The following SETD1B variants were observed in gnomAD, a reference collection of about 807,000 sequenced individuals.
SETD1B encodes the protein SET domain containing 1B, histone lysine methyltransferase.
Under a neutral mutation model 148.0 loss-of-function variants are expected in SETD1B, and 7 were observed. The ratio of observed to expected loss-of-function variants is 0.05; its 90% confidence interval spans 0.03 to 0.09. The LOEUF (loss-of-function observed/expected upper bound fraction) is 0.09, where lower values mean the gene tolerates loss of function less well. Ranked by LOEUF, SETD1B falls within the 10% of genes least tolerant of loss-of-function variation. The probability of loss-of-function intolerance (pLI) is 1.00; values close to 1 mark genes in which losing one functional copy is unlikely to be tolerated. For synonymous variants in SETD1B, 1,361 were observed against 1,186.5 expected, an observed-to-expected ratio of 1.15 and a Z score of -3.02; for missense variants, 2,155 against 2,729.9, an observed-to-expected ratio of 0.79 and a Z score of 4.69.
upstream of SETD1B, chr12:121,802,700 G>A (rs1875448731): frequency 1.3e-5 from 2 of 152,108 alleles, no homozygotes; most frequent in Non-Finnish European, 2.9e-5. Context: ...AGTTATACAA[G>A]ACAAAGATGG....
the SETD1B span, chr12:121,793,811 T>C: frequency 3.3e-5 from 17 of 522,832 alleles, no homozygotes; most frequent in Non-Finnish European, 4.5e-5. Context: ...CAGCCCTGGG[T>C]GTGGGTATTC....
chr12:121,810,787 C>T lies in SETD1B; in HGVS notation c.1842C>T (p.Ala614=). Residue 614 remains alanine (A), a synonymous_variant, in exon 6 of 17, where the codon GCC becomes GCT. Transcript: ENST00000604567. The surrounding 1 kb of genome is among the most constrained non-coding windows in gnomAD (Gnocchi z 7.6). ...AGLLSQTAEV[A]LDLVGDRTPT... ...TTCTGAGCCAGACAGCTGAGGTGGCCTTGGACCTGGTTGGAGACAGAACCC... is the reference window on the plus strand; with the variant it reads ...TTCTGAGCCAGACAGCTGAGGTGGCTTTGGACCTGGTTGGAGACAGAACCC... 6.5e-7 allele frequency: 1 copy of T among 1,538,998 alleles called. No homozygotes were observed. The highest frequency in any genetic ancestry group is 1.2e-5 in the South Asian group (1 of 83,240).
chr12:121,793,170 T>A, the SETD1B span: 4 of 1,550,480 alleles, frequency 2.6e-6, no homozygotes, highest in Non-Finnish European at 3.5e-6. Flanking sequence ...TCGTAGAGGT[T>A]CAGGGTCACC....
chr12:121,809,248 A>G (rs1025137001), intron 5 of SETD1B, among the ~76,000 whole-genome samples: 4 of 152,192 alleles, frequency 2.6e-5, no homozygotes, highest in Non-Finnish European at 5.9e-5. Context: ...CTCGTGCACA[A>G]GATTGTAGTT....
At position 121,805,725 on chromosome 12, in the gene SETD1B, C is replaced by T; in HGVS notation, c.274-110C>T. The T allele has an allele frequency of 1.3e-5, 14 of 1,046,608 alleles. No individual in the cohort carries two copies. Among genetic ancestry groups the T allele is most frequent in the South Asian group, 4.0e-5 (2 of 50,274 alleles). 64.8% of individuals were successfully genotyped at this position (1,046,608 alleles called of 1,614,324 possible). ...TTTTTTAATTTTTAGTTTTTTTACC[C>T]TTTATTGTTTTCAACGGGTGGGCGA... On this transcript the variant is annotated intron_variant, in intron 3 of 16. Transcript: ENST00000604567. The surrounding 1 kb of genome is among the most constrained non-coding windows in gnomAD (Gnocchi z 4.2).
In SETD1B at chr12:121,817,017, C is replaced by T. The variant is rs1592982800; in HGVS notation, c.2716-16C>T. 6.7e-7 allele frequency: 1 copy of T among 1,493,954 alleles called. No homozygotes were observed. 92.5% of individuals were successfully genotyped at this position (1,493,954 alleles called of 1,614,324 possible). ...GTGCCAGAAGCGGTGACGGTCCCCT[C>T]CTGTCTCCACCCCAGGCCTCGCTGA... On this transcript the variant is annotated splice_polypyrimidine_tract_variant and intron_variant, in intron 7 of 16. Coordinates refer to ENST00000604567, the MANE Select transcript of SETD1B (RefSeq NM_001353345.2). The surrounding 1 kb of genome is among the most constrained non-coding windows in gnomAD (Gnocchi z 8.1).
At chr12:121,826,423 A>G (rs1310182865) in intron 13 of SETD1B, among the ~76,000 whole-genome samples, 1 of 152,190 alleles carries the variant, frequency 6.6e-6, no homozygotes, top group Non-Finnish European at 1.5e-5. Flanking sequence ...AGCGACTTCC[A>G]TAAAAAGTTA....
rs1172961989 is a variant in SETD1B at position 121,817,721 on chromosome 12, G to A, written c.3312+17G>A. 2 of 1,539,954 alleles carry A rather than the reference G, an allele frequency of 1.3e-6. No individual in the cohort carries two copies. The highest frequency in any genetic ancestry group is 2.5e-5 in the East Asian group (1 of 40,582). ...TCAGATAAGGTGCCTAGCAGGCCAG[G>A]AAGCCTCAGGGGGCCGGGCCAGGCG... On this transcript the variant is annotated intron_variant, in intron 9 of 16. Coordinates refer to ENST00000604567, the MANE Select transcript of SETD1B (RefSeq NM_001353345.2). This position sits in a 1 kb window ranked among gnomAD's most constrained non-coding sequence, Gnocchi z 8.1.
At chr12:121,821,392 G>A (rs924467018) in intron 11 of SETD1B, among the ~76,000 whole-genome samples, 4 of 151,270 alleles carry the variant, frequency 2.6e-5, no homozygotes, top group African/African-American at 7.3e-5. Context: ...AGCCGAGATC[G>A]TGCCACACTG....
At chr12:121,794,763 G>GAC in the SETD1B span, among the ~76,000 whole-genome samples, 1 of 121,732 alleles carries the variant, frequency 8.2e-6, no homozygotes, top group Non-Finnish European at 1.8e-5. Flanking sequence ...CAGATGAGTC[G>GAC]ACAGGGTGGC....
chr12:121,799,723 G>A (rs1322166110), upstream of SETD1B: 1 of 128,826 alleles, frequency 7.8e-6, no homozygotes, highest in African/African-American at 2.8e-5. Context: ...CAGCTGGGGG[G>A]GGGGGGGTGG....
Position 121,823,075 on chromosome 12 carries a change from C to T in SETD1B, c.4496C>T (p.Pro1499Leu), listed in dbSNP as rs1398412324. The T allele has an allele frequency of 6.6e-6, 10 of 1,508,624 alleles. No individual in the cohort carries two copies. The highest frequency in any genetic ancestry group is 2.5e-5 in the South Asian group (2 of 81,092). 93.5% of individuals were successfully genotyped at this position (1,508,624 alleles called of 1,614,324 possible). A position where few individuals can be genotyped will look rare whatever the true frequency, so the allele number is the denominator to read the frequency against. The change falls in exon 12 of 17, where the codon CCG becomes CTG. Residue 1499 changes from proline to leucine, a missense_variant. Physicochemically the swap from Pro to Leu is moderately conservative, Grantham distance 98 (BLOSUM62 -3). Transcript: ENST00000604567. ...CGGGCCCAGGCTCGTGCGCCCACCC[C>T]GCTGCCACCCCTGCTGCCCGCCCCC... The part of the protein sequence containing the change: ...VLRAQARAPT[P>L]LPPLLPAPLA...
rs748280141 is a variant in SETD1B at position 121,809,688 on chromosome 12, G to C, written c.743G>C (p.Gly248Ala). 1 of 1,551,498 alleles carries C rather than the reference G, an allele frequency of 6.4e-7. No individual in the cohort carries two copies. Among genetic ancestry groups the C allele is most frequent in the African/African-American group, 1.4e-5 (1 of 73,036 alleles). Residue 248 changes from glycine (G) to alanine (A), a missense_variant, in exon 6 of 17, where the codon GGT (glycine) becomes GCT (alanine). Gly to Ala is a moderately conservative substitution (Grantham distance 60). This residue lies in a region of SETD1B where 376 missense variants were observed against 385.0 expected (regional missense o/e 0.98). Transcript: ENST00000604567. Reference protein sequence around the residue: ...SGSSSVTPNSGGTPFSQDTAY... With the variant: ...SGSSSVTPNSAGTPFSQDTAY... The stretch of plus-strand genomic sequence containing the variant: ...TCCTCCTCTGTCACCCCCAATAGCG[G>C]TGGGACACCCTTCTCCCAGGACACA...
In SETD1B at chr12:121,805,691, T is replaced by TTTTTTTTTCCAAAAAAAA. The variant is rs1875707347; in HGVS notation, c.274-136_274-135insCCAAAAAAAATTTTTTTT. 7 of 27,460 alleles carry TTTTTTTTTCCAAAAAAAA rather than the reference T, an allele frequency of 2.5e-4. No individual in the cohort carries two copies. Among genetic ancestry groups the TTTTTTTTTCCAAAAAAAA allele is most frequent in the Non-Finnish European group, 3.9e-4 (7 of 17,900 alleles). The allele number at this position is 27,460 out of a possible 1,614,324, so 1.7% of individuals were successfully genotyped here. A position where few individuals can be genotyped will look rare whatever the true frequency, so the allele number is the denominator to read the frequency against. The stretch of plus-strand genomic sequence containing the variant: ...TGCATTTTTTTTTTCCAAAAAAAAT[T>TTTTTTTTTCCAAAAAAAA]TTTTTTTTTTTTTTAATTTTTAGTT... On this transcript the variant is annotated intron_variant, in intron 3 of 16. Transcript: ENST00000604567. The surrounding 1 kb of genome is among the most constrained non-coding windows in gnomAD (Gnocchi z 4.2).
rs1389081509 is a variant in SETD1B at position 121,828,089 on chromosome 12, G to A, written c.5727+19G>A. Reference sequence around the variant, plus strand: ...CTGCAACGTGAGTGCCCAGCGGGGGGTGGCCCCTGCCCCTGCTCCTGCCCC... The same window carrying A: ...CTGCAACGTGAGTGCCCAGCGGGGGATGGCCCCTGCCCCTGCTCCTGCCCC... On this transcript the variant is annotated intron_variant, in intron 16 of 16. Coordinates refer to ENST00000604567, the MANE Select transcript of SETD1B (RefSeq NM_001353345.2). The A allele has an allele frequency of 1.3e-6, 2 of 1,550,878 alleles. No homozygotes were observed. Among genetic ancestry groups the A allele is most frequent in the Non-Finnish European group, 1.7e-6 (2 of 1,146,764 alleles).
At chr12:121,796,702 T>G in the SETD1B span, among the ~76,000 whole-genome samples, 1 of 152,158 alleles carries the variant, frequency 6.6e-6, no homozygotes. Context: ...ACTCCTTGAG[T>G]GCTAAAAGTT....
At position 121,814,147 on chromosome 12, in the gene SETD1B, C is replaced by T. The variant is rs778370977; in HGVS notation, c.1932C>T (p.Asp644=). 56 of 1,548,786 alleles carry T rather than the reference C, an allele frequency of 3.6e-5. No individual in the cohort carries two copies. The Admixed American group carries it at 3.7e-4, about 10-fold the overall frequency. ...SSGEDMEISD[D]EMPSAPITSA... is the part of the protein sequence containing the mutation. Reference sequence around the variant, plus strand: ...GCGAGGACATGGAGATCTCGGATGACGAGATGCCCTCGGCCCCCATCACCA... The same window carrying T: ...GCGAGGACATGGAGATCTCGGATGATGAGATGCCCTCGGCCCCCATCACCA... Residue 644 remains aspartate (D), a synonymous_variant, in exon 7 of 17, where the codon GAC becomes GAT. Coordinates refer to ENST00000604567, the MANE Select transcript of SETD1B (RefSeq NM_001353345.2).
rs764922620 is a variant in SETD1B, at chr12:121,830,186, G to A, written c.5848G>A (p.Val1950Ile). The change falls in exon 17 of 17, where the codon GTC becomes ATC. Residue 1950 changes from valine (V) to isoleucine (I), a missense_variant. By Grantham distance (29) the Val-to-Ile change is conservative. Transcript: ENST00000604567. The surrounding 1 kb of genome is among the most constrained non-coding windows in gnomAD (Gnocchi z 5.7). ...TYDYKFPIED[V>I]KIPCLCGSEN... ...TGACTATAAGTTCCCCATCGAGGACGTCAAGATCCCCTGCCTCTGTGGCTC... is the reference window on the plus strand; with the variant it reads ...TGACTATAAGTTCCCCATCGAGGACATCAAGATCCCCTGCCTCTGTGGCTC... 2.0e-5 allele frequency: 31 copies of A among 1,551,360 alleles called. No homozygotes were observed. The highest frequency in any genetic ancestry group is 9.5e-5 in the South Asian group (8 of 84,064).
chr12:121,830,318 C>A lies in SETD1B; in HGVS notation c.*79C>A. On this transcript the variant is annotated 3_prime_UTR_variant, in exon 17 of 17. Transcript: ENST00000604567. The surrounding 1 kb of genome is among the most constrained non-coding windows in gnomAD (Gnocchi z 5.7). Reference sequence around the variant, plus strand: ...TGGAGCCCCTGGCCCCGGGGCCCGGCCCCCCGCGCCCGCCCCCATTTCAGG... The same window carrying A: ...TGGAGCCCCTGGCCCCGGGGCCCGGACCCCCGCGCCCGCCCCCATTTCAGG... The A allele has an allele frequency of 7.4e-7, 1 of 1,356,848 alleles. No individual in the cohort carries two copies. Among genetic ancestry groups the A allele is most frequent in the Non-Finnish European group, 9.9e-7 (1 of 1,007,062 alleles). 84.1% of individuals were successfully genotyped at this position (1,356,848 alleles called of 1,614,324 possible).
Sources: gnomAD v4.1 joint callset for allele counts (sites outside exome capture counted in the v4.1 genomes callset) on GRCh38, gnomAD v4.1.1 for gene constraint, gnomAD v4.1.1 regional missense constraint, Gnocchi (gnomAD v3.1) non-coding constraint, MANE v1.5 for transcripts, NCBI Gene and HGNC (gene_info 2026-07-23, HGNC 2026-07-21) for gene names.